VPS13B: variants seen among roughly 807,000 people sequenced by gnomAD.
VPS13B encodes vacuolar protein sorting 13 homolog B.
VPS13B carries 285 observed loss-of-function variants against 426.4 expected under a neutral mutation model. The ratio of observed to expected loss-of-function variants is 0.67; its 90% CI spans 0.61 to 0.74. The LOEUF (loss-of-function observed/expected upper bound fraction) is 0.74, where lower values mean the gene tolerates loss of function less well. VPS13B is among the 30% of genes least tolerant of loss of function. The probability of loss-of-function intolerance (pLI) is 0.00; values close to 1 mark genes in which losing one functional copy is unlikely to be tolerated. For synonymous variants in VPS13B, 1,676 were observed against 1,676.4 expected (o/e 1.00, Z 0.01); for missense variants, 4,537 against 4,782.6 (o/e 0.95, Z 1.51).
At chr8:99,665,259 T>G (rs896995819) in intron 35 of VPS13B, among the ~76,000 whole-genome samples, 9 of 152,174 alleles carry the variant, frequency 5.9e-5, no homozygotes, top group South Asian at 2.1e-4. Flanking sequence ...TTTCTCCCAT[T>G]CTGTAGGTTG....
At chr8:99,552,809 A>C (rs1181385992) in intron 30 of VPS13B, among the ~76,000 whole-genome samples, 1 of 152,124 alleles carries the variant, frequency 6.6e-6, no homozygotes. Context: ...CAAGACCAGG[A>C]AGTTGACATT....
At chr8:99,433,998 G>A (rs942798309) in intron 22 of VPS13B, among the ~76,000 whole-genome samples, 1 of 152,032 alleles carries the variant, frequency 6.6e-6, no homozygotes, top group African/African-American at 2.4e-5. Context: ...AGTAGAGATG[G>A]GGTTTCACCA....
chr8:99,130,611 C>T (rs936180632), intron 8 of VPS13B, among the ~76,000 whole-genome samples: 2 of 151,908 alleles, frequency 1.3e-5, no homozygotes, highest in Admixed American at 6.6e-5. Context: ...AGGATGGTCT[C>T]GATCTCCTGA....
At position 99,600,501 on chromosome 8, in the gene VPS13B, A is replaced by G. The variant is rs139470245; in HGVS notation, c.5220+22868A>G. Among the ~76,000 whole-genome samples the G allele has an allele frequency of 8.5e-5, 13 of 152,314 alleles. No homozygotes were observed. The East Asian group carries it at 2.3e-3, about 27-fold the overall frequency. ...ATAATTTGCATTTTATTGAATTGCA[A>G]TGGTAAGCCATTGAAGAGTCAAAAA... On this transcript the variant is annotated intron_variant, in intron 33 of 61. Transcript: ENST00000357162.
chr8:99,470,758 CA>C (rs774063881), intron 24 of VPS13B, among the ~76,000 whole-genome samples: 6 of 149,922 alleles, frequency 4.0e-5, no homozygotes, highest in Non-Finnish European at 8.9e-5. Context: ...GAAAACTTTG[CA>C]AATTTGGGGA....
chr8:99,141,020 A>G (rs1475669012), intron 12 of VPS13B, among the ~76,000 whole-genome samples: 2 of 152,202 alleles, frequency 1.3e-5, no homozygotes, highest in Admixed American at 1.3e-4. Context: ...TAAAGTAGAT[A>G]GCTGAAATTG....
chr8:99,864,154 G>A (rs1399154241), intron 58 of VPS13B, among the ~76,000 whole-genome samples: 1 of 152,248 alleles, frequency 6.6e-6, no homozygotes, highest in Non-Finnish European at 1.5e-5. Context: ...ACTTTGGAAA[G>A]TTATAGATTG....
intron 33 of VPS13B, among the ~76,000 whole-genome samples, chr8:99,594,859 C>T (rs1056819832): frequency 6.6e-6 from 1 of 151,954 alleles, no homozygotes; most frequent in Non-Finnish European, 1.5e-5. Context: ...TCTTTTCACT[C>T]AGGATTCACT....
intron 21 of VPS13B, among the ~76,000 whole-genome samples, chr8:99,395,589 TAGTG>T (rs1391721789): frequency 6.6e-6 from 1 of 152,116 alleles, no homozygotes; most frequent in Non-Finnish European, 1.5e-5. Context: ...GGAAACAAAA[TAGTG>T]AGTAACTGTT....
intron 34 of VPS13B, among the ~76,000 whole-genome samples, chr8:99,655,422 C>T (rs1829986866): frequency 6.6e-6 from 1 of 152,186 alleles, no homozygotes; most frequent in Non-Finnish European, 1.5e-5. Context: ...TCTTTATTCT[C>T]CCTTCTCTTC....
At chr8:99,124,986 A>G (rs1848129125) in intron 8 of VPS13B, among the ~76,000 whole-genome samples, 1 of 152,112 alleles carries the variant, frequency 6.6e-6, no homozygotes, top group African/African-American at 2.4e-5. Flanking sequence ...CAAAAGGACA[A>G]ATATTTTATG....
chr8:99,355,965 A>G (rs1812159929), intron 19 of VPS13B, among the ~76,000 whole-genome samples: 1 of 152,160 alleles, frequency 6.6e-6, no homozygotes. Context: ...TATTTGTTGG[A>G]TGGATGAGTG....
chr8:99,186,099 T>G (rs1025298470), intron 16 of VPS13B, among the ~76,000 whole-genome samples: 4 of 152,138 alleles, frequency 2.6e-5, no homozygotes, highest in African/African-American at 9.6e-5. Flanking sequence ...TTTAAACCTA[T>G]TCTGTAAAAT....
At chr8:99,073,789 T>C (rs1844966830) in intron 3 of VPS13B, among the ~76,000 whole-genome samples, 1 of 150,804 alleles carries the variant, frequency 6.6e-6, no homozygotes, top group Non-Finnish European at 1.5e-5. Flanking sequence ...TTTTTTTTGG[T>C]CATAAAGTTT....
intron 33 of VPS13B, among the ~76,000 whole-genome samples, chr8:99,592,918 A>G (rs918156274): frequency 1.3e-5 from 2 of 152,172 alleles, no homozygotes; most frequent in African/African-American, 4.8e-5. Context: ...TTAACTCAAG[A>G]TGGATTAAAG....
intron 37 of VPS13B, among the ~76,000 whole-genome samples, chr8:99,719,562 G>A (rs1041857715): frequency 6.6e-6 from 1 of 151,944 alleles, no homozygotes; most frequent in Non-Finnish European, 1.5e-5. Context: ...TGCGTTACCT[G>A]GTTCTCTTAG....
intron 2 of VPS13B, among the ~76,000 whole-genome samples, chr8:99,037,328 A>C (rs540164981): frequency 5.3e-5 from 8 of 152,198 alleles, no homozygotes; most frequent in African/African-American, 1.9e-4. Context: ...TAATAATAAT[A>C]ATAATAAGCA....
intron 17 of VPS13B, chr8:99,233,956 A>G (rs972895646): frequency 1.5e-4 from 117 of 791,642 alleles, no homozygotes; most frequent in Middle Eastern, 7.0e-4. Context: ...TCTCTTTTCT[A>G]TGGATGTCTA....
chr8:99,681,291 G>A (rs1038511852), intron 35 of VPS13B, among the ~76,000 whole-genome samples: 2 of 152,150 alleles, frequency 1.3e-5, no homozygotes, highest in Non-Finnish European at 2.9e-5. Flanking sequence ...AATTTCAACT[G>A]CTTTTTTGGT....
Sources: gnomAD v4.1 joint callset for allele counts (sites outside exome capture counted in the v4.1 genomes callset) on GRCh38, gnomAD v4.1.1 for gene constraint, MANE v1.5 for transcripts, NCBI Gene and HGNC (gene_info 2026-07-23, HGNC 2026-07-21) for gene names.